The following CNTN3 variants were observed in gnomAD, a reference collection of about 807,000 sequenced individuals.
CNTN3 encodes the protein contactin-3.
A neutral mutation model predicts 119.1 loss-of-function variants in CNTN3; 60 were observed. The ratio of observed to expected loss-of-function variants is 0.50; its 90% CI spans 0.41 to 0.62. The LOEUF is 0.62. Ranked by LOEUF, CNTN3 falls within the 20% of genes least tolerant of loss-of-function variation. The pLI, the probability that CNTN3 is intolerant of heterozygous loss-of-function variation, is 0.00. For missense variants in CNTN3, 1,101 were observed against 1,242.4 expected (o/e 0.89, Z 1.71); for synonymous variants, 450 against 438.7 (o/e 1.03, Z -0.32).
intron 20 of CNTN3, 102 bp downstream of exon 20, chr3:74,285,203 G>A: frequency 8.1e-7 from 1 of 1,237,610 alleles, no homozygotes; most frequent in South Asian, 1.5e-5. Context: ...ATAATCTAGT[G>A]AGATTAATGA....
At chr3:74,562,741 C>A (rs960540426) in intron 1 of CNTN3, among the ~76,000 whole-genome samples, 3 of 151,956 alleles carry the variant, frequency 2.0e-5, no homozygotes, top group Non-Finnish European at 4.4e-5. Context: ...AAGTCATTAG[C>A]GGCACCTCTG....
chr3:74,398,069 A>C (rs1705099821), intron 5 of CNTN3, among the ~76,000 whole-genome samples: 1 of 152,240 alleles, frequency 6.6e-6, no homozygotes, highest in African/African-American at 2.4e-5. Context: ...CCTGTTGGAC[A>C]CTGCTGACAT....
At chr3:74,316,841 T>C (rs1702842508) in intron 13 of CNTN3, among the ~76,000 whole-genome samples, 1 of 150,616 alleles carries the variant, frequency 6.6e-6, no homozygotes, top group East Asian at 2.0e-4. Flanking sequence ...GGCAGGAGAA[T>C]GGCGTGAACC....
At chr3:74,559,331 T>C (rs1292017710) in intron 1 of CNTN3, among the ~76,000 whole-genome samples, 1 of 152,160 alleles carries the variant, frequency 6.6e-6, no homozygotes, top group Admixed American at 6.5e-5. Flanking sequence ...TTTTCGGTAC[T>C]AACAACCCCT....
At chr3:74,401,739 G>T (rs1705200005) in intron 5 of CNTN3, among the ~76,000 whole-genome samples, 1 of 152,124 alleles carries the variant, frequency 6.6e-6, no homozygotes. Flanking sequence ...AGGGAGCTAT[G>T]GTGACAGGAA....
At chr3:74,369,865 A>C in intron 7 of CNTN3, 24 bp downstream of exon 7, 1 of 1,220,316 alleles carries the variant, frequency 8.2e-7, no homozygotes, top group Non-Finnish European at 1.2e-6. Context: ...TTCAGCACAT[A>C]GGAGTAAATG....
rs200432292 is a variant in CNTN3, at chr3:74,364,458, C to T, written c.1213+9G>A. On this transcript the variant is annotated intron_variant, in intron 10 of 22. Coordinates refer to ENST00000263665, the MANE Select transcript of CNTN3 (RefSeq NM_020872.3). The stretch of plus-strand genomic sequence containing the variant: ...AAATTAAGAGAAGAGCAGAGAAAAT[C>T]AGCCTTACCAACAACTTTGAGCTCA... 1,369 of 1,606,842 alleles carry T rather than the reference C, an allele frequency of 8.5e-4. 2 individuals are homozygous for T. Among genetic ancestry groups the T allele is most frequent in the Non-Finnish European group, 1.1e-3 (1,258 of 1,176,864 alleles).
chr3:74,393,624 G>C (rs1020713698), intron 5 of CNTN3, among the ~76,000 whole-genome samples: 1 of 152,162 alleles, frequency 6.6e-6, no homozygotes, highest in Non-Finnish European at 1.5e-5. Flanking sequence ...AATGCCCTCA[G>C]GCAGGACTGA....
chr3:74,563,189 G>A (rs536460753), intron 1 of CNTN3, among the ~76,000 whole-genome samples: 38 of 152,098 alleles, frequency 2.5e-4, no homozygotes, highest in African/African-American at 8.7e-4. Flanking sequence ...TGCTTCTTTC[G>A]GTTGCCAAGT....
At chr3:74,587,684 G>A (rs1704618824) in intron 1 of CNTN3, among the ~76,000 whole-genome samples, 1 of 152,130 alleles carries the variant, frequency 6.6e-6, no homozygotes, top group South Asian at 2.1e-4. Context: ...ACTTCTTAAG[G>A]AGATTTTGGG....
chr3:74,437,410 C>T (rs1399382578), intron 4 of CNTN3, among the ~76,000 whole-genome samples: 8 of 151,796 alleles, frequency 5.3e-5, no homozygotes, highest in African/African-American at 9.7e-5. Flanking sequence ...TGCAGTGAGC[C>T]GAGATCGCAC....
At chr3:74,560,043 T>G (rs551445069) in intron 1 of CNTN3, among the ~76,000 whole-genome samples, 2 of 152,274 alleles carry the variant, frequency 1.3e-5, no homozygotes, top group East Asian at 1.9e-4. Context: ...GTCACCCAAA[T>G]GTACTGCATG....
intron 11 of CNTN3, among the ~76,000 whole-genome samples, chr3:74,357,784 T>G (rs575273731): frequency 6.6e-5 from 10 of 152,178 alleles, no homozygotes; most frequent in African/African-American, 2.4e-4. Context: ...TTAAAAAAAC[T>G]AAAAAATCAA....
intron 20 of CNTN3, among the ~76,000 whole-genome samples, chr3:74,274,601 G>C (rs1395798070): frequency 6.6e-6 from 1 of 152,094 alleles, no homozygotes; most frequent in Non-Finnish European, 1.5e-5. Context: ...ATAGGAAAAG[G>C]GGGAGAGTAC....
At chr3:74,536,251 G>T (rs1454861483) in intron 1 of CNTN3, among the ~76,000 whole-genome samples, 1 of 152,032 alleles carries the variant, frequency 6.6e-6, no homozygotes. Context: ...GATCTCCTTA[G>T]CCCTGTGTCA....
chr3:74,264,300 AAAT>A lies in CNTN3; in HGVS notation c.*98_*100del. On this transcript the variant is annotated 3_prime_UTR_variant, in exon 23 of 23. Transcript: ENST00000263665. Reference sequence around the variant, plus strand: ...TACCTATAATGAAGTAGAAAGTTAAAAATAAGAGTTGAAAAAAACATGCATAAT... The same window carrying A: ...TACCTATAATGAAGTAGAAAGTTAAAAAGAGTTGAAAAAAACATGCATAAT... The A allele has an allele frequency of 2.1e-6, 1 of 483,268 alleles. No homozygotes were observed. Among genetic ancestry groups the A allele is most frequent in the Non-Finnish European group, 3.6e-6 (1 of 277,590 alleles). 29.9% of individuals were successfully genotyped at this position (483,268 alleles called of 1,614,324 possible). A position where few individuals can be genotyped will look rare whatever the true frequency, so the allele number is the denominator to read the frequency against.
intron 2 of CNTN3, among the ~76,000 whole-genome samples, chr3:74,513,048 C>CA (rs1703396452): frequency 2.8e-5 from 2 of 71,694 alleles, no homozygotes; most frequent in Admixed American, 1.8e-4. Flanking sequence ...TATTTGGAGA[C>CA]AAAATCTAGG....
chr3:74,378,657 C>T (rs566623316), intron 5 of CNTN3, among the ~76,000 whole-genome samples: 2 of 152,306 alleles, frequency 1.3e-5, no homozygotes, highest in South Asian at 4.1e-4. Flanking sequence ...TTACTATTGT[C>T]TGTGGCTGCT....
intron 4 of CNTN3, among the ~76,000 whole-genome samples, chr3:74,447,786 T>C (rs1428316199): frequency 6.6e-6 from 1 of 152,174 alleles, no homozygotes; most frequent in Non-Finnish European, 1.5e-5. Context: ...CGCTCTGTTC[T>C]AAGTTGCTAA....
Sources: gnomAD v4.1 joint callset for allele counts (sites outside exome capture counted in the v4.1 genomes callset) on GRCh38, gnomAD v4.1.1 for gene constraint, MANE v1.5 for transcripts, NCBI Gene and HGNC (gene_info 2026-07-23, HGNC 2026-07-21) for gene names.